Variants in PDE4DIP observed in about 807,000 individuals in gnomAD.
The protein encoded by PDE4DIP is myomegalin.
PDE4DIP carries 59 observed loss-of-function variants against 221.4 expected under a neutral mutation model. The ratio of observed to expected loss-of-function variants is 0.27; its 90% CI spans 0.22 to 0.33. The LOEUF (loss-of-function observed/expected upper bound fraction) is 0.33. Ranked by LOEUF, PDE4DIP falls within the 10% of genes least tolerant of loss-of-function variation. The pLI, the probability that PDE4DIP is intolerant of heterozygous loss-of-function variation, is 1.00. For missense variants in PDE4DIP, 1,036 were observed against 2,154.2 expected (o/e 0.48, Z 10.28); for synonymous variants, 404 against 815.9 (o/e 0.50, Z 8.60).
At chr1:148,916,145 TA>T (rs1198139868) in intron 1 of PDE4DIP, among the ~76,000 whole-genome samples, 1 of 151,782 alleles carries the variant, frequency 6.6e-6, no homozygotes, top group East Asian at 1.9e-4. Context: ...ATGGCCACAT[TA>T]AAAAAAGTAA....
intron 41 of PDE4DIP, among the ~76,000 whole-genome samples, chr1:149,029,345 G>C (rs1173104697): frequency 1.3e-5 from 2 of 152,214 alleles, no homozygotes; most frequent in African/African-American, 4.8e-5. Flanking sequence ...TCCAGGGAGA[G>C]GGTGTTTTGC....
At chr1:148,996,421 G>A (rs587649960) in intron 22 of PDE4DIP, among the ~76,000 whole-genome samples, 2,405 of 152,226 alleles carry the variant, frequency 0.016, 35 homozygotes, top group Middle Eastern at 0.051. Flanking sequence ...ACAAATGCTG[G>A]GGGCACATAT....
At chr1:149,012,646 C>G in exon 32 of PDE4DIP, 1 of 1,613,010 alleles carries the variant, frequency 6.2e-7, no homozygotes, top group South Asian at 1.1e-5. Flanking sequence ...CACCATTGCC[C>G]TCAGCTCCAT....
chr1:148,985,959 T>C (rs1408551654), intron 21 of PDE4DIP: 3 of 152,238 alleles, frequency 2.0e-5, no homozygotes. Context: ...CTCCAAGATA[T>C]TGACCTCTTT....
At chr1:148,968,743 C>T in intron 13 of PDE4DIP, 93 bp from the exon 17 acceptor site, 1 of 693,158 alleles carries the variant, frequency 1.4e-6, no homozygotes, top group Non-Finnish European at 2.4e-6. Flanking sequence ...AATCTCACAC[C>T]TCCTTCTTCT....
rs1328907256 is a variant in PDE4DIP, at chr1:149,029,658, G to A, written c.6814-129G>A. ...CTCAGCTGGAGGTATCCGAGGCTGT[G>A]AAGGAGGAAATCCAGTTCAAGAGAG... On this transcript the variant is annotated intron_variant, in intron 41 of 43. Transcript: ENST00000369354. The A allele has an allele frequency of 1.4e-5, 10 of 738,954 alleles. No homozygotes were observed. In the African/African-American group the frequency reaches 1.6e-4, roughly 12 times the overall value. 45.8% of individuals were successfully genotyped at this position (738,954 alleles called of 1,614,324 possible).
Position 149,007,132 on chromosome 1 carries a change from C to T in PDE4DIP, c.4416-69C>T, listed in dbSNP as rs782598421. The T allele has an allele frequency of 6.8e-5, 44 of 642,728 alleles. 3 individuals are homozygous for T. In the Middle Eastern group the frequency reaches 9.3e-3, roughly 136 times the overall value. The allele number at this position is 642,728 out of a possible 1,614,324, so 39.8% of individuals were successfully genotyped here. On this transcript the variant is annotated intron_variant, in intron 27 of 43. Transcript: ENST00000369354. ...GTTCTCATAGAAATCTCTACAGAAGCCCCCATAACTCCATAAGTTAGCTTC... is the reference window on the plus strand; with the variant it reads ...GTTCTCATAGAAATCTCTACAGAAGTCCCCATAACTCCATAAGTTAGCTTC...
intron 33 of PDE4DIP, 48 bp from the exon 37 acceptor site, chr1:149,017,700 G>A (rs868955595): frequency 4.9e-6 from 6 of 1,221,254 alleles, no homozygotes; most frequent in African/African-American, 1.5e-5. Flanking sequence ...CAGTAACCAG[G>A]ATTCTCCATC....
chr1:148,933,173 G>A (rs1312235906), intron 4 of PDE4DIP, among the ~76,000 whole-genome samples: 1 of 152,102 alleles, frequency 6.6e-6, no homozygotes, highest in Non-Finnish European at 1.5e-5. Context: ...TCTGAGCTGA[G>A]CTTTGAAGGA....
chr1:148,984,018 C>A (rs1183672555), intron 21 of PDE4DIP: 1 of 151,972 alleles, frequency 6.6e-6, no homozygotes, highest in Non-Finnish European at 1.5e-5. Flanking sequence ...TCCAAGAGGA[C>A]TTATTTAATG....
chr1:148,951,838 T>A (rs1177689789), intron 5 of PDE4DIP: 4 of 157,908 alleles, frequency 2.5e-5, no homozygotes, highest in African/African-American at 7.2e-5. Context: ...TCCTCTACTC[T>A]TTTCTGGACA....
intron 5 of PDE4DIP, among the ~76,000 whole-genome samples, chr1:148,951,680 TCTA>T (rs1269513981): frequency 3.3e-5 from 5 of 152,250 alleles, no homozygotes; most frequent in Admixed American, 2.6e-4. Context: ...CCATTTCTCT[TCTA>T]CTATCTTCAA....
intron 1 of PDE4DIP, among the ~76,000 whole-genome samples, chr1:148,920,084 G>A (rs1230683987): frequency 1.3e-5 from 2 of 149,184 alleles, no homozygotes; most frequent in African/African-American, 5.1e-5. Flanking sequence ...ATGAATGTAT[G>A]CTGGTATGCT....
At chr1:149,009,579 A>T (rs1553602792) in exon 30 of PDE4DIP, 1 of 1,601,704 alleles carries the variant, frequency 6.2e-7, no homozygotes, top group African/African-American at 1.3e-5. Context: ...CTCAGCAGGG[A>T]GCTGCAGGAG....
In PDE4DIP at chr1:148,864,369, A is replaced by G. The variant is rs1263944933; in HGVS notation, c.289+1064A>G. On this transcript the variant is annotated intron_variant, in intron 2 of 45. Coordinates refer to the PDE4DIP transcript ENST00000524974. ...TCAAGGAATAAGCACTCTGTATCTTATCTATTGTTACTATTAATGTATTCC... is the reference window on the plus strand; with the variant it reads ...TCAAGGAATAAGCACTCTGTATCTTGTCTATTGTTACTATTAATGTATTCC... Among the ~76,000 whole-genome samples the G allele has an allele frequency of 1.6e-4, 22 of 141,384 alleles. 3 individuals are homozygous for G. The highest frequency in any genetic ancestry group is 3.4e-4 in the Non-Finnish European group (22 of 63,774). The allele number at this position is 141,384 out of a possible 152,430, so 92.8% of individuals were successfully genotyped here. A position where few individuals can be genotyped will look rare whatever the true frequency, so the allele number is the denominator to read the frequency against.
chr1:148,978,296 G>A, exon 19 of PDE4DIP: 2 of 1,605,256 alleles, frequency 1.2e-6, no homozygotes, highest in East Asian at 4.5e-5. Context: ...AATGCAACTG[G>A]TTGATCCTGA....
intron 2 of PDE4DIP, chr1:148,930,128 G>T (rs1553468597): frequency 2.6e-5 from 4 of 151,410 alleles, no homozygotes; most frequent in Non-Finnish European, 5.9e-5. Flanking sequence ...TTTTTTAAAA[G>T]CTTAGTGTTA....
chr1:149,021,485 T>C (rs1176389657), intron 37 of PDE4DIP: 1 of 187,864 alleles, frequency 5.3e-6, no homozygotes, highest in East Asian at 1.6e-4. Context: ...TTGTCGGTGA[T>C]ACATACTGAC....
chr1:149,022,166 C>G (rs1475158424), intron 37 of PDE4DIP, among the ~76,000 whole-genome samples: 2 of 144,460 alleles, frequency 1.4e-5, no homozygotes, highest in Non-Finnish European at 3.0e-5. Flanking sequence ...AATGCCAGCT[C>G]AAACTGGAAC....
Sources: allele counts gnomAD v4.1 joint callset (sites outside exome capture counted in the v4.1 genomes callset), GRCh38; gene constraint gnomAD v4.1.1; transcripts MANE v1.5; gene names NCBI Gene and HGNC (gene_info 2026-07-23, HGNC 2026-07-21).